GRIP1: variants seen among roughly 807,000 people sequenced by gnomAD.
GRIP1 encodes the protein glutamate receptor-interacting protein 1.
A neutral mutation model predicts 129.9 loss-of-function variants in GRIP1; 45 were observed. The ratio of observed to expected loss-of-function variants is 0.35; its 90% confidence interval spans 0.27 to 0.44. The LOEUF (loss-of-function observed/expected upper bound fraction) is 0.44, where lower values mean the gene tolerates loss of function less well. GRIP1 is among the 20% of genes least tolerant of loss of function. The pLI, the probability that GRIP1 is intolerant of heterozygous loss-of-function variation, is 1.00. For missense variants in GRIP1, 1,196 were observed against 1,396.8 expected, an observed-to-expected ratio of 0.86 and a Z score of 2.29; for synonymous variants, 530 against 520.8, an observed-to-expected ratio of 1.02 and a Z score of -0.24.
Position 66,517,948 on chromosome 12 carries a change from A to T in GRIP1, c.531T>A (p.Ser177=). 1 of 1,598,436 alleles carries T rather than the reference A, an allele frequency of 6.3e-7. No homozygotes were observed. ...GAACACATGTTATCACAACTGGACG[A>T]GATTTATTTCTATCATCATGTGCTC... ...RGGAHDDRNK[S]RPVVITCVRP... Residue 177 remains serine (S), a synonymous_variant, in exon 6 of 25, where the codon TCT becomes TCA. Coordinates refer to ENST00000359742, the MANE Select transcript of GRIP1 (RefSeq NM_001366722.1).
At chr12:66,817,879 A>C (rs1566037635) in intron 1 of GRIP1, among the ~76,000 whole-genome samples, 1 of 152,228 alleles carries the variant, frequency 6.6e-6, no homozygotes, top group Non-Finnish European at 1.5e-5. Flanking sequence ...ATGTAGCTTA[A>C]TAGGAAGAAG....
At chr12:66,781,672 T>C (rs1306188658) in intron 1 of GRIP1, among the ~76,000 whole-genome samples, 1 of 152,174 alleles carries the variant, frequency 6.6e-6, no homozygotes, top group Admixed American at 6.5e-5. Flanking sequence ...ATGAATTTGG[T>C]ATATCCAGAG....
rs114210802 is a variant in GRIP1, at chr12:66,629,272, G to A, written c.56-32345C>T. Reference sequence around the variant, plus strand: ...CATATTAAAATGAATGAGCCTGGCTGGAGCAGTCCCTCACACTTTGCAGCA... The same window carrying A: ...CATATTAAAATGAATGAGCCTGGCTAGAGCAGTCCCTCACACTTTGCAGCA... On this transcript the variant is annotated intron_variant, in intron 1 of 24. Coordinates refer to ENST00000359742, the MANE Select transcript of GRIP1 (RefSeq NM_001366722.1). Among the ~76,000 whole-genome samples the A allele has an allele frequency of 2.3e-3, 347 of 152,312 alleles. 1 individual carries two copies. Among genetic ancestry groups the A allele is most frequent in the African/African-American group, 7.9e-3 (330 of 41,574 alleles).
At chr12:66,997,110 T>G (rs17120643) in intron 1 of GRIP1, among the ~76,000 whole-genome samples, 17,781 of 152,116 alleles carry the variant, frequency 0.12, 1,251 homozygotes, top group African/African-American at 0.19. Context: ...CTGAACAGTT[T>G]TAAAAAACGA....
Position 66,564,301 on chromosome 12 carries a change from G to A in GRIP1, c.137-22351C>T, listed in dbSNP as rs978853677. ...CTCCCCCCACCCCACAACAGGCTCC[G>A]GTGTGTGATGTTCCCTACCCTGTGT... is the stretch of plus-strand genomic sequence containing the variant. On this transcript the variant is annotated intron_variant, in intron 2 of 24. Coordinates refer to ENST00000359742, the MANE Select transcript of GRIP1 (RefSeq NM_001366722.1). Among the ~76,000 whole-genome samples the A allele has an allele frequency of 4.3e-5, 5 of 116,204 alleles. No individual in the cohort carries two copies. In the East Asian group the frequency reaches 7.5e-4, roughly 18 times the overall value. The allele number at this position is 116,204 out of a possible 152,430, so 76.2% of individuals were successfully genotyped here.
At chr12:66,977,188 G>C (rs1313401673) in intron 1 of GRIP1, among the ~76,000 whole-genome samples, 1 of 149,750 alleles carries the variant, frequency 6.7e-6, no homozygotes, top group African/African-American at 2.5e-5. Flanking sequence ...CCATGATTAA[G>C]ATTAGGTCAA....
chr12:66,690,740 T>TAA (rs2034955840), intron 1 of GRIP1, among the ~76,000 whole-genome samples: 1 of 149,660 alleles, frequency 6.7e-6, no homozygotes, highest in Non-Finnish European at 1.5e-5. Flanking sequence ...AAATTTTTTT[T>TAA]AATTTTTATT....
chr12:66,877,022 T>C (rs1009394663), intron 1 of GRIP1, among the ~76,000 whole-genome samples: 1 of 152,092 alleles, frequency 6.6e-6, no homozygotes, highest in African/African-American at 2.4e-5. Context: ...AGCCTCAATA[T>C]GCATATCTGT....
chr12:66,632,049 T>C (rs2030849486), intron 1 of GRIP1, among the ~76,000 whole-genome samples: 1 of 152,158 alleles, frequency 6.6e-6, no homozygotes, highest in African/African-American at 2.4e-5. Context: ...TTCAGCTCCT[T>C]GGTTATTTTA....
At chr12:66,809,313 T>A (rs1275967723) in intron 1 of GRIP1, among the ~76,000 whole-genome samples, 2 of 152,244 alleles carry the variant, frequency 1.3e-5, no homozygotes, top group African/African-American at 4.8e-5. Context: ...CTTCAATGCA[T>A]AATTAAATTG....
intron 1 of GRIP1, among the ~76,000 whole-genome samples, chr12:66,853,132 T>G (rs2039942763): frequency 6.6e-6 from 1 of 151,636 alleles, no homozygotes; most frequent in Admixed American, 6.6e-5. Flanking sequence ...TGAGGAGCTT[T>G]TTCTTCCGAC....
At chr12:66,752,083 T>A (rs923177674) in intron 1 of GRIP1, among the ~76,000 whole-genome samples, 2 of 152,160 alleles carry the variant, frequency 1.3e-5, no homozygotes, top group African/African-American at 4.8e-5. Flanking sequence ...AAATCATTCA[T>A]GAAAATGCTT....
chr12:66,433,541 C>T (rs570993454), intron 13 of GRIP1, among the ~76,000 whole-genome samples: 9 of 152,252 alleles, frequency 5.9e-5, no homozygotes, highest in South Asian at 2.1e-4. Context: ...TGAATCTCAA[C>T]GCAGGACAGA....
At chr12:66,523,117 C>G (rs2061082841) in intron 5 of GRIP1, among the ~76,000 whole-genome samples, 2 of 151,436 alleles carry the variant, frequency 1.3e-5, no homozygotes, top group Non-Finnish European at 2.9e-5. Context: ...AGGATATTAT[C>G]CAGGAGAACT....
intron 2 of GRIP1, among the ~76,000 whole-genome samples, chr12:66,586,193 C>T (rs1039682679): frequency 6.6e-6 from 1 of 152,178 alleles, no homozygotes; most frequent in Admixed American, 6.6e-5. Flanking sequence ...GAGGCTTTTA[C>T]TCCCACCTTT....
At chr12:66,398,030 T>G (rs1376067739) in intron 16 of GRIP1, among the ~76,000 whole-genome samples, 2 of 152,196 alleles carry the variant, frequency 1.3e-5, no homozygotes, top group Non-Finnish European at 2.9e-5. Flanking sequence ...ATGGCCCGTC[T>G]GCCCACAAGA....
chr12:66,410,809 C>T (rs532455411), intron 15 of GRIP1, among the ~76,000 whole-genome samples: 4 of 152,236 alleles, frequency 2.6e-5, no homozygotes, highest in Middle Eastern at 3.4e-3. Context: ...CAGAGAACTT[C>T]CCAAACATAG....
At chr12:66,378,344 C>T (rs1326073314) in intron 20 of GRIP1, among the ~76,000 whole-genome samples, 4 of 152,164 alleles carry the variant, frequency 2.6e-5, no homozygotes, top group South Asian at 2.1e-4. Flanking sequence ...CCCAGCTAAT[C>T]GGGGGTCTAA....
chr12:66,617,059 G>A (rs2065068287), intron 1 of GRIP1, among the ~76,000 whole-genome samples: 1 of 149,508 alleles, frequency 6.7e-6, no homozygotes, highest in African/African-American at 2.5e-5. Flanking sequence ...AAGAGTTAGG[G>A]AGCAACTTGA....
Sources: gnomAD v4.1 joint callset for allele counts (sites outside exome capture counted in the v4.1 genomes callset) on GRCh38, gnomAD v4.1.1 for gene constraint, MANE v1.5 for transcripts, NCBI Gene and HGNC (gene_info 2026-07-23, HGNC 2026-07-21) for gene names.